Variants in FTO observed in about 807,000 individuals in gnomAD.
FTO encodes the protein alpha-ketoglutarate-dependent dioxygenase FTO.
In FTO, 47 loss-of-function variants were observed where a neutral mutation model predicts 63.9. The ratio of observed to expected loss-of-function variants is 0.74; its 90% CI spans 0.58 to 0.94. FTO has a LOEUF of 0.94. FTO is among the 40% of genes least tolerant of loss of function. The pLI is 0.00. For missense variants in FTO, 562 were observed against 618.1 expected (o/e 0.91, Z 0.96); for synonymous variants, 207 against 224.4 (o/e 0.92, Z 0.69).
chr16:53,714,294 G>A (rs1317144603), intron 1 of FTO, among the ~76,000 whole-genome samples: 1 of 152,194 alleles, frequency 6.6e-6, no homozygotes, highest in Non-Finnish European at 1.5e-5. Flanking sequence ...ATTCAAGGCT[G>A]AGCCTCAAGG....
chr16:53,887,777 T>A (rs1455711088), intron 6 of FTO: 5 of 152,198 alleles, frequency 3.3e-5, no homozygotes, highest in Non-Finnish European at 5.9e-5. Context: ...ATATGATTGC[T>A]ACTCTTGTTT....
intron 1 of FTO, among the ~76,000 whole-genome samples, chr16:53,775,349 C>A (rs540373667): frequency 6.6e-6 from 1 of 152,250 alleles, no homozygotes; most frequent in Non-Finnish European, 1.5e-5. Flanking sequence ...GATTTCAGAT[C>A]CACCTGCCTA....
chr16:53,704,178 T>A lies in FTO; in HGVS notation c.-7T>A. On this transcript the variant is annotated 5_prime_UTR_variant, in exon 1 of 9. Transcript: ENST00000471389. ...CTTGCGGTGGCGAAGGCGGCTTTAG[T>A]GGCAGCATGAAGCGCACCCCGACTG... 6.4e-7 allele frequency: 1 copy of A among 1,551,460 alleles called. No homozygotes were observed. Among genetic ancestry groups the A allele is most frequent in the Non-Finnish European group, 8.7e-7 (1 of 1,146,854 alleles).
chr16:54,000,724 T>G (rs1169447056), intron 8 of FTO, among the ~76,000 whole-genome samples: 2 of 152,212 alleles, frequency 1.3e-5, no homozygotes, highest in Non-Finnish European at 2.9e-5. Context: ...TCCATCGGTA[T>G]GTCTCAGACA....
chr16:53,926,057 T>C (rs1443745663), intron 7 of FTO, among the ~76,000 whole-genome samples: 2 of 152,154 alleles, frequency 1.3e-5, no homozygotes, highest in Non-Finnish European at 2.9e-5. Flanking sequence ...GTCCTTAATA[T>C]GCTGTGTGTT....
At chr16:53,859,612 C>G (rs1243750841) in intron 4 of FTO, among the ~76,000 whole-genome samples, 2 of 150,896 alleles carry the variant, frequency 1.3e-5, no homozygotes, top group African/African-American at 4.9e-5. Context: ...GTAACCTGAC[C>G]TAAAAACGAG....
intron 7 of FTO, among the ~76,000 whole-genome samples, chr16:53,895,625 T>TGAC (rs2081262001): frequency 6.6e-6 from 1 of 152,168 alleles, no homozygotes; most frequent in Non-Finnish European, 1.5e-5. Flanking sequence ...ATACATCCAG[T>TGAC]GACAGTATCT....
At chr16:53,995,366 G>C (rs1394832272) in intron 8 of FTO, among the ~76,000 whole-genome samples, 1 of 152,172 alleles carries the variant, frequency 6.6e-6, no homozygotes, top group Admixed American at 6.5e-5. Context: ...GTGAGGGAAA[G>C]CTTTTTTGCC....
At chr16:53,712,693 G>C (rs1270885657) in intron 1 of FTO, among the ~76,000 whole-genome samples, 1 of 152,298 alleles carries the variant, frequency 6.6e-6, no homozygotes, top group South Asian at 2.1e-4. Flanking sequence ...CTTGAAGATA[G>C]CATTTGTGTC....
At chr16:53,910,234 A>G (rs2081653908) in intron 7 of FTO, among the ~76,000 whole-genome samples, 1 of 152,144 alleles carries the variant, frequency 6.6e-6, no homozygotes, top group South Asian at 2.1e-4. Context: ...GTGGGGTAGA[A>G]CTAGAGAACA....
intron 8 of FTO, among the ~76,000 whole-genome samples, chr16:54,049,265 G>A (rs1284061848): frequency 5.9e-5 from 9 of 152,142 alleles, no homozygotes; most frequent in Non-Finnish European, 8.8e-5. Flanking sequence ...TACAAGTACC[G>A]TCACTTTTGT....
intron 8 of FTO, among the ~76,000 whole-genome samples, chr16:53,975,633 C>T (rs9302654): frequency 0.19 from 28,187 of 151,172 alleles, 2,749 homozygotes; most frequent in Admixed American, 0.22. Context: ...CTGTACTCTA[C>T]GAATCTTACC....
In FTO at chr16:54,035,394, A is replaced by C. The variant is rs570337471; in HGVS notation, c.1365-76368A>C. On this transcript the variant is annotated intron_variant, in intron 8 of 8. Transcript: ENST00000471389. The stretch of plus-strand genomic sequence containing the variant: ...TATCTCAGCTGAACACAGATCCTTC[A>C]TTTGATGTCCTGTCTAAACGTGACT... Among the ~76,000 whole-genome samples the C allele has an allele frequency of 2.0e-5, 3 of 152,300 alleles. No homozygotes were observed. In the South Asian group the frequency reaches 6.2e-4, roughly 32 times the overall value.
At chr16:54,022,228 G>A (rs574486997) in intron 8 of FTO, among the ~76,000 whole-genome samples, 8 of 152,278 alleles carry the variant, frequency 5.3e-5, no homozygotes, top group African/African-American at 7.2e-5. Context: ...TAAGGACAGC[G>A]TCTCCTAGGT....
chr16:53,777,774 A>G (rs1282557991), intron 1 of FTO, among the ~76,000 whole-genome samples: 1 of 152,200 alleles, frequency 6.6e-6, no homozygotes, highest in East Asian at 1.9e-4. Context: ...GAAGTTTATC[A>G]TTGGCAGCAA....
At chr16:53,867,062 T>A (rs1598863027) in intron 4 of FTO, among the ~76,000 whole-genome samples, 1 of 152,144 alleles carries the variant, frequency 6.6e-6, no homozygotes, top group Non-Finnish European at 1.5e-5. Flanking sequence ...TAATGTTGCT[T>A]CCAACAAATT....
chr16:53,904,288 T>C (rs1448818671), intron 7 of FTO, among the ~76,000 whole-genome samples: 1 of 152,126 alleles, frequency 6.6e-6, no homozygotes, highest in Non-Finnish European at 1.5e-5. Context: ...ATGAAAAGAT[T>C]TGTCAGGTCA....
intron 3 of FTO, among the ~76,000 whole-genome samples, chr16:53,833,355 T>C (rs1031552654): frequency 1.3e-5 from 2 of 152,238 alleles, no homozygotes; most frequent in African/African-American, 2.4e-5. Context: ...GATTCATCCA[T>C]GTTATGGCAT....
intron 8 of FTO, among the ~76,000 whole-genome samples, chr16:53,956,015 C>G (rs1344415158): frequency 1.3e-5 from 2 of 152,060 alleles, no homozygotes; most frequent in Non-Finnish European, 2.9e-5. Context: ...AAAAAAAAAT[C>G]TATTTTGCAC....
Sources: gnomAD v4.1 joint callset for allele counts (sites outside exome capture counted in the v4.1 genomes callset) on GRCh38, gnomAD v4.1.1 for gene constraint, MANE v1.5 for transcripts, NCBI Gene and HGNC (gene_info 2026-07-23, HGNC 2026-07-21) for gene names.